The following BNC2 variants were observed in gnomAD, a reference collection of about 807,000 sequenced individuals.
The protein encoded by BNC2 is basonuclin zinc finger protein 2, also known as zinc finger protein basonuclin-2.
BNC2 carries 20 observed loss-of-function variants against 76.3 expected under a neutral mutation model. The observed-to-expected ratio is 0.26, with a 90% CI of 0.18 to 0.38. The LOEUF is 0.38. Among genes scored for constraint, BNC2 ranks in the 10% least tolerant of loss-of-function variants. The pLI is 1.00. For missense variants in BNC2, 1,382 were observed against 1,399.8 expected, an observed-to-expected ratio of 0.99 and a Z score of 0.20; for synonymous variants, 582 against 514.8, an observed-to-expected ratio of 1.13 and a Z score of -1.77.
chr9:16,596,453 C>T (rs939133263), intron 3 of BNC2, among the ~76,000 whole-genome samples: 3 of 152,006 alleles, frequency 2.0e-5, no homozygotes, highest in African/African-American at 7.2e-5. Flanking sequence ...TTGCAAAACC[C>T]GATTTCTAAG....
intron 1 of BNC2, among the ~76,000 whole-genome samples, chr9:16,845,794 A>C (rs1818966105): frequency 1.3e-5 from 2 of 152,124 alleles, no homozygotes; most frequent in South Asian, 2.1e-4. Context: ...CAAAATGTTC[A>C]AGTTCAATGC....
intron 5 of BNC2, among the ~76,000 whole-genome samples, chr9:16,515,102 C>T (rs1158556830): frequency 6.6e-6 from 1 of 152,146 alleles, no homozygotes; most frequent in Non-Finnish European, 1.5e-5. Flanking sequence ...TCAATAGGAC[C>T]ACTGAACAAG....
At chr9:16,569,209 T>A (rs370658062) in intron 4 of BNC2, among the ~76,000 whole-genome samples, 6 of 152,060 alleles carry the variant, frequency 3.9e-5, no homozygotes, top group East Asian at 1.9e-4. Flanking sequence ...ATACCTTATA[T>A]ACATTATGTG....
chr9:16,539,750 G>GAAGGGAAGGA (rs1563830946), intron 5 of BNC2, among the ~76,000 whole-genome samples: 11 of 84,852 alleles, frequency 1.3e-4, no homozygotes, highest in Admixed American at 2.5e-4. Flanking sequence ...GAAGGGAAGG[G>GAAGGGAAGGA]AAGGAAAGGA....
intron 1 of BNC2, among the ~76,000 whole-genome samples, chr9:16,759,225 G>A (rs1344530714): frequency 6.6e-6 from 1 of 152,142 alleles, no homozygotes; most frequent in Non-Finnish European, 1.5e-5. Flanking sequence ...TTGGAATTGA[G>A]GCTTAATTCA....
chr9:16,772,434 T>G (rs951696956), intron 1 of BNC2, among the ~76,000 whole-genome samples: 3 of 152,182 alleles, frequency 2.0e-5, no homozygotes, highest in Non-Finnish European at 2.9e-5. Flanking sequence ...TTCATAATGT[T>G]CACGCTGTAC....
At chr9:16,826,171 T>C (rs1219320741) in intron 1 of BNC2, among the ~76,000 whole-genome samples, 2 of 151,948 alleles carry the variant, frequency 1.3e-5, no homozygotes, top group Non-Finnish European at 2.9e-5. Context: ...TAGTCACTGG[T>C]GACAAATGTA....
chr9:16,517,730 AT>A, intron 5 of BNC2, among the ~76,000 whole-genome samples: 1 of 152,136 alleles, frequency 6.6e-6, no homozygotes, highest in East Asian at 1.9e-4. Context: ...CATTCATTTC[AT>A]TTTTGAAAGG....
At chr9:16,678,133 C>G (rs1403608363) in intron 3 of BNC2, among the ~76,000 whole-genome samples, 1 of 151,714 alleles carries the variant, frequency 6.6e-6, no homozygotes, top group Non-Finnish European at 1.5e-5. Flanking sequence ...CAGCAGGTGA[C>G]AGTGAATAAG....
At chr9:16,847,669 C>T (rs374503109) in intron 1 of BNC2, among the ~76,000 whole-genome samples, 2 of 152,014 alleles carry the variant, frequency 1.3e-5, no homozygotes. Flanking sequence ...CAAACCATAA[C>T]CATTGAGCAA....
intron 3 of BNC2, among the ~76,000 whole-genome samples, chr9:16,595,957 G>A (rs1820057012): frequency 1.3e-5 from 2 of 152,104 alleles, no homozygotes; most frequent in South Asian, 4.1e-4. Flanking sequence ...GGGTTCACAT[G>A]TGTGTCAGCT....
intron 1 of BNC2, among the ~76,000 whole-genome samples, chr9:16,763,406 C>CA (rs35607466): frequency 0.075 from 11,386 of 151,726 alleles, 1,154 homozygotes; most frequent in African/African-American, 0.23. Flanking sequence ...CCCATCTCTA[C>CA]AAAAAATCAA....
chr9:16,532,692 T>G (rs772125174), intron 5 of BNC2, among the ~76,000 whole-genome samples: 6 of 152,230 alleles, frequency 3.9e-5, no homozygotes, highest in Admixed American at 6.5e-5. Context: ...TTCTAATTAT[T>G]TGACATTTTA....
chr9:16,436,519 C>T lies in BNC2; in HGVS notation c.1675G>A (p.Val559Ile), dbSNP rs1821019512. The T allele has an allele frequency of 1.2e-6, 2 of 1,614,104 alleles. No individual in the cohort carries two copies. Among genetic ancestry groups the T allele is most frequent in the Non-Finnish European group, 1.7e-6 (2 of 1,180,028 alleles). Residue 559 changes from valine (V) to isoleucine (I), a missense_variant, in exon 6 of 7, where the codon GTA (valine) becomes ATA (isoleucine). By Grantham distance (29) the Val-to-Ile change is conservative. Transcript: ENST00000380672. ...TGTACAGTCTTTAGCCCAGAAAATA[C>T]TAGCTGGCTAGGGAGAGGATTTTGC... The part of the protein sequence containing the change: ...VLQNPLPSQL[V>I]FSGLKTVQPV...
intron 1 of BNC2, among the ~76,000 whole-genome samples, chr9:16,821,014 C>T (rs1818315181): frequency 6.6e-6 from 1 of 152,044 alleles, no homozygotes; most frequent in East Asian, 1.9e-4. Flanking sequence ...GGGTGGATCA[C>T]TTGAGGCCAG....
At chr9:16,665,466 G>GA (rs756814914) in intron 3 of BNC2, among the ~76,000 whole-genome samples, 1 of 142,932 alleles carries the variant, frequency 7.0e-6, no homozygotes, top group East Asian at 2.1e-4. Context: ...AAGAAAGAAA[G>GA]AAAGAAAGAA....
intron 2 of BNC2, among the ~76,000 whole-genome samples, chr9:16,729,310 AAT>A (rs1824440591): frequency 6.6e-6 from 1 of 152,228 alleles, no homozygotes; most frequent in South Asian, 2.1e-4. Flanking sequence ...AAGGAACATT[AAT>A]CTTCAACCAC....
intron 5 of BNC2, among the ~76,000 whole-genome samples, chr9:16,480,301 A>C (rs1396729958): frequency 6.6e-6 from 1 of 152,154 alleles, no homozygotes; most frequent in Non-Finnish European, 1.5e-5. Flanking sequence ...ATGAAAACCC[A>C]ATCTGTTAAA....
intron 1 of BNC2, among the ~76,000 whole-genome samples, chr9:16,746,819 G>A (rs948011341): frequency 6.6e-6 from 1 of 151,564 alleles, no homozygotes; most frequent in Non-Finnish European, 1.5e-5. Flanking sequence ...AAAATTAGCC[G>A]GGCGTGGTGG....
Sources: allele counts gnomAD v4.1 joint callset (sites outside exome capture counted in the v4.1 genomes callset), GRCh38; gene constraint gnomAD v4.1.1; transcripts MANE v1.5; gene names NCBI Gene and HGNC (gene_info 2026-07-23, HGNC 2026-07-21).